ASMTL: variants seen among roughly 807,000 people sequenced by gnomAD.
The protein encoded by ASMTL is probable bifunctional dTTP/UTP pyrophosphatase/methyltransferase protein.
Under a neutral mutation model 60.3 loss-of-function variants are expected in ASMTL, and 57 were observed. The ratio of observed to expected loss-of-function variants is 0.95; its 90% CI spans 0.76 to 1.18. The LOEUF is 1.18. ASMTL is among the 50% of genes most tolerant of loss of function. The pLI is 0.00. For missense variants in ASMTL, 981 were observed against 852.6 expected (o/e 1.15, Z -1.88); for synonymous variants, 419 against 373.0 (o/e 1.12, Z -1.42).
chrX:1,434,330 A>C (rs2090900696), intron 5 of ASMTL, among the ~76,000 whole-genome samples: 1 of 151,806 alleles, frequency 6.6e-6, no homozygotes, highest in Admixed American at 6.6e-5. Context: ...CCTCTATAAA[A>C]AATACAAAAA....
At chrX:1,420,710 A>G (rs2090462033) in intron 9 of ASMTL, among the ~76,000 whole-genome samples, 1 of 152,254 alleles carries the variant, frequency 6.6e-6, no homozygotes, top group South Asian at 2.1e-4. Context: ...GCGCTTTGCA[A>G]ACAGCGGCCT....
chrX:1,412,068 C>T (rs182417835), intron 12 of ASMTL, among the ~76,000 whole-genome samples: 1,806 of 152,030 alleles, frequency 0.012, 38 homozygotes, highest in African/African-American at 0.042. Flanking sequence ...CCGCCCGCCT[C>T]GGCCTCCCGA....
chrX:1,415,481 T>TTTC (rs1323638475), intron 11 of ASMTL, among the ~76,000 whole-genome samples: 4 of 151,358 alleles, frequency 2.6e-5, no homozygotes, highest in Non-Finnish European at 5.9e-5. Context: ...CTTTTTTTTT[T>TTTC]TGAGATGGAG....
intron 9 of ASMTL, among the ~76,000 whole-genome samples, chrX:1,421,309 C>T (rs2090479504): frequency 6.6e-6 from 1 of 152,048 alleles, no homozygotes; most frequent in African/African-American, 2.4e-5. Flanking sequence ...ACTATGTTGC[C>T]CAGGCTGGTC....
chrX:1,450,256 C>G (rs1266432622), intron 1 of ASMTL, among the ~76,000 whole-genome samples: 1 of 151,946 alleles, frequency 6.6e-6, no homozygotes, highest in Non-Finnish European at 1.5e-5. Context: ...GGCAGACACC[C>G]ACTACCTAGG....
At chrX:1,420,028 C>T (rs1379459147) in intron 9 of ASMTL, among the ~76,000 whole-genome samples, 1 of 41,886 alleles carries the variant, frequency 2.4e-5, no homozygotes, top group African/African-American at 4.4e-5. Flanking sequence ...TTTCTATCTC[C>T]CTCTGTCTCT....
rs1425131047 is a variant in ASMTL, at chrX:1,431,009, TA to T, written c.509+1259del. Among the ~76,000 whole-genome samples the T allele has an allele frequency of 2.3e-5, 3 of 131,966 alleles. No individual in the cohort carries two copies. The Admixed American group carries it at 2.4e-4, about 11-fold the overall frequency. The allele number at this position is 131,966 out of a possible 152,430, so 86.6% of individuals were successfully genotyped here. The stretch of plus-strand genomic sequence containing the variant: ...AATCACACTTTATATTATTATGTAA[TA>T]TGTATTAATATGCAGTTACATATAT... On this transcript the variant is annotated intron_variant, in intron 6 of 12. Transcript: ENST00000381317.
chrX:1,421,347 C>T (rs756377587), intron 9 of ASMTL, among the ~76,000 whole-genome samples: 1 of 152,252 alleles, frequency 6.6e-6, no homozygotes, highest in Non-Finnish European at 1.5e-5. Flanking sequence ...AATCATCCTC[C>T]CAACTTGGCC....
intron 12 of ASMTL, among the ~76,000 whole-genome samples, chrX:1,405,965 T>C (rs375517771): frequency 0.015 from 2,175 of 147,348 alleles, 50 homozygotes; most frequent in African/African-American, 0.052. Context: ...TGGTAGATGA[T>C]GGGTACGTAG....
chrX:1,437,910 G>A (rs2091013483), intron 3 of ASMTL, among the ~76,000 whole-genome samples: 1 of 149,536 alleles, frequency 6.7e-6, no homozygotes, highest in East Asian at 2.0e-4. Context: ...AAAAAAAAAA[G>A]GAGAAATGGG....
intron 11 of ASMTL, among the ~76,000 whole-genome samples, chrX:1,415,105 T>G (rs2090188872): frequency 6.7e-6 from 1 of 149,454 alleles, no homozygotes; most frequent in Non-Finnish European, 1.5e-5. Flanking sequence ...CATGCCTGGC[T>G]AATTTCTGTA....
rs765620720 is a variant in ASMTL, at chrX:1,421,695, T to C, written c.1208A>G (p.His403Arg). 2 of 1,613,946 alleles carry C rather than the reference T, an allele frequency of 1.2e-6. No individual in the cohort carries two copies. Among genetic ancestry groups the C allele is most frequent in the South Asian group, 2.2e-5 (2 of 91,072 alleles). Residue 403 changes from histidine (H) to arginine (R), a missense_variant, in exon 9 of 13, where the codon CAC (histidine) becomes CGC (arginine). Physicochemically the swap from His to Arg is conservative, Grantham distance 29 (BLOSUM62 0). Transcript: ENST00000381317. ...TTCCGCCTTCTTCCCCAACGCCCTG[T>C]GGTGCTGGTTTGTTCCCTCTCGGAT... is the stretch of plus-strand genomic sequence containing the variant. Reference protein sequence around the residue: ...FAIREGTNQHHRALGKKAEDL... With the variant: ...FAIREGTNQHRRALGKKAEDL...
At chrX:1,407,543 G>GGATGGATGGATAGATAAT (rs1434799088) in intron 12 of ASMTL, among the ~76,000 whole-genome samples, 2 of 151,924 alleles carry the variant, frequency 1.3e-5, no homozygotes, top group Non-Finnish European at 1.5e-5. Flanking sequence ...GGTAGATGAT[G>GGATGGATGGATAGATAAT]GATGGATGGA....
intron 12 of ASMTL, among the ~76,000 whole-genome samples, chrX:1,412,437 A>G (rs2090065339): frequency 6.6e-6 from 1 of 152,152 alleles, no homozygotes; most frequent in South Asian, 2.1e-4. Flanking sequence ...CATGTTGGCC[A>G]GGCTGGTCTC....
rs377326245 is a variant in ASMTL at position 1,418,967 on chromosome X, G to A, written c.1378+15C>T. On this transcript the variant is annotated intron_variant, in intron 10 of 12. Transcript: ENST00000381317. The stretch of plus-strand genomic sequence containing the variant: ...AAACGAAAGTAAGGAGAGCCCTGGC[G>A]GGGGGGCCACCCACCTCCCACGTCG... The A allele has an allele frequency of 2.5e-4, 396 of 1,601,942 alleles. 2 individuals carry two copies. The South Asian group carries it at 3.7e-3, about 15-fold the overall frequency.
At chrX:1,413,004 G>T in intron 11 of ASMTL, 150 bp from the exon 12 acceptor site, 2 of 826,584 alleles carry the variant, frequency 2.4e-6, no homozygotes, top group Non-Finnish European at 4.0e-6. Context: ...GTACATCCCC[G>T]TGGGGACTTG....
At chrX:1,431,308 A>G (rs1487719664) in intron 6 of ASMTL, among the ~76,000 whole-genome samples, 13 of 131,520 alleles carry the variant, frequency 9.9e-5, no homozygotes, top group Admixed American at 3.4e-4. Flanking sequence ...AAATATATAA[A>G]ATTATATATT....
chrX:1,449,773 C>T (rs1457807884), intron 1 of ASMTL, among the ~76,000 whole-genome samples: 1 of 146,866 alleles, frequency 6.8e-6, no homozygotes, highest in Admixed American at 6.7e-5. Flanking sequence ...CCATCATCAC[C>T]AGTAACTATC....
upstream of ASMTL, chrX:1,452,976 A>G (rs1412506871): frequency 1.5e-6 from 1 of 652,028 alleles, no homozygotes. Flanking sequence ...CCGCGAGGCC[A>G]CGCCCAGTCC....
Sources: allele counts gnomAD v4.1 joint callset (sites outside exome capture counted in the v4.1 genomes callset), GRCh38; gene constraint gnomAD v4.1.1; transcripts MANE v1.5; gene names NCBI Gene and HGNC (gene_info 2026-07-23, HGNC 2026-07-21).